FDFT1: variants seen among roughly 807,000 people sequenced by gnomAD.
FDFT1 encodes the protein squalene synthase.
In FDFT1, 68 loss-of-function variants were observed where a neutral mutation model predicts 46.8. The observed-to-expected ratio is 1.45, with a 90% CI of 1.19 to 1.78. The LOEUF (loss-of-function observed/expected upper bound fraction) is 1.78. FDFT1 is among the 40% of genes most tolerant of loss of function. The probability of loss-of-function intolerance (pLI) is 0.00; values close to 1 mark genes in which losing one functional copy is unlikely to be tolerated. For synonymous variants in FDFT1, 351 were observed against 185.1 expected, an observed-to-expected ratio of 1.90 and a Z score of -7.28; for missense variants, 928 against 524.4, an observed-to-expected ratio of 1.77 and a Z score of -7.52.
chr8:11,806,074 C>T (rs1806788018), intron 1 of FDFT1, among the ~76,000 whole-genome samples: 1 of 152,176 alleles, frequency 6.6e-6, no homozygotes, highest in African/African-American at 2.4e-5. Context: ...GAGGAAGGCT[C>T]CGTGGAGGGC....
rs1275960731 is a variant in FDFT1, at chr8:11,839,267, A to G, written c.*658A>G. ...TCCAGTAAAGGTGGACATTTTTGAG[A>G]TTTTTATAATAAAGAATTTAATTGC... On this transcript the variant is annotated 3_prime_UTR_variant, in exon 8 of 8. Coordinates refer to ENST00000220584, the MANE Select transcript of FDFT1 (RefSeq NM_004462.5). 6.6e-6 allele frequency: 1 copy of G among 152,430 alleles called. No homozygotes were observed. The highest frequency in any genetic ancestry group is 1.5e-5 in the Non-Finnish European group (1 of 68,254). The allele number at this position is 152,430 out of a possible 1,614,324, so 9.4% of individuals were successfully genotyped here.
rs766845955 is a variant in FDFT1 at position 11,838,522 on chromosome 8, T to G, written c.1167T>G (p.Phe389Leu). ...RSHYSPIYLS[F>L]VMLLAALSWQ... ...ACTACTCCCCCATCTACCTGTCGTTTGTCATGCTTTTGGCTGCCCTGAGCT... is the reference window on the plus strand; with the variant it reads ...ACTACTCCCCCATCTACCTGTCGTTGGTCATGCTTTTGGCTGCCCTGAGCT... The change falls in exon 8 of 8, where the codon TTT becomes TTG. Residue 389 changes from phenylalanine (F) to leucine (L), a missense_variant. Transcript: ENST00000220584. 53 of 1,609,418 alleles carry G rather than the reference T, an allele frequency of 3.3e-5. No homozygotes were observed. The highest frequency in any genetic ancestry group is 4.5e-5 in the Non-Finnish European group (53 of 1,177,460).
At position 11,803,221 on chromosome 8, in the gene FDFT1, T is replaced by TACCGGTATTTTAACCCGAG. The variant is rs1374164427; in HGVS notation, c.99+291_99+309dup. 8.7e-5 allele frequency: 121 copies of TACCGGTATTTTAACCCGAG among 1,398,236 alleles called. No homozygotes were observed. In the African/African-American group the frequency reaches 1.5e-3, roughly 18 times the overall value. The allele number at this position is 1,398,236 out of a possible 1,614,324, so 86.6% of individuals were successfully genotyped here. A position where few individuals can be genotyped will look rare whatever the true frequency, so the allele number is the denominator to read the frequency against. ...CGTCCCCTCCGTGAGCATCGGCGCT[T>TACCGGTATTTTAACCCGAG]ACCGGTATTTTAACCCGAGGGTTAC... On this transcript the variant is annotated intron_variant, in intron 1 of 7. Coordinates refer to ENST00000220584, the MANE Select transcript of FDFT1 (RefSeq NM_004462.5).
chr8:11,809,618 AT>A lies in FDFT1; in HGVS notation c.198-48del, dbSNP rs756082344. 2.0e-6 allele frequency: 3 copies of A among 1,515,572 alleles called. No individual in the cohort carries two copies. In the African/African-American group the frequency reaches 4.2e-5, roughly 21 times the overall value. The allele number at this position is 1,515,572 out of a possible 1,614,324, so 93.9% of individuals were successfully genotyped here. ...GGCACAAGTTATTTTAAAATAAAAAATCTTTGGCTGTTTGTTCCAATATATT... is the reference window on the plus strand; with the variant it reads ...GGCACAAGTTATTTTAAAATAAAAAACTTTGGCTGTTTGTTCCAATATATT... On this transcript the variant is annotated intron_variant, in intron 2 of 7. Coordinates refer to ENST00000220584, the MANE Select transcript of FDFT1 (RefSeq NM_004462.5).
chr8:11,801,958 C>T (rs566430569), upstream of FDFT1: 10 of 454,808 alleles, frequency 2.2e-5, no homozygotes, highest in Admixed American at 9.4e-5. Flanking sequence ...CAAAGTGTTG[C>T]GATTACAGGC....
intron 4 of FDFT1, among the ~76,000 whole-genome samples, chr8:11,822,411 C>T (rs1809382115): frequency 6.6e-6 from 1 of 151,892 alleles, no homozygotes; most frequent in African/African-American, 2.4e-5. Context: ...AGGTCTTGGG[C>T]CTCTTAATTT....
intron 1 of FDFT1, chr8:11,808,320 G>A (rs924640378): frequency 8.1e-6 from 10 of 1,233,530 alleles, no homozygotes; most frequent in Non-Finnish European, 1.0e-5. Context: ...GGGTTCTGGT[G>A]AGAAGGGCAA....
intron 3 of FDFT1, among the ~76,000 whole-genome samples, chr8:11,820,041 C>G (rs1809004180): frequency 6.6e-6 from 1 of 152,054 alleles, no homozygotes; most frequent in African/African-American, 2.4e-5. Context: ...TGTGGGTGTC[C>G]TTTTTGTTGA....
In FDFT1 at chr8:11,809,796, G is replaced by A; in HGVS notation, c.327G>A (p.Trp109Ter). 1 of 1,614,180 alleles carries A rather than the reference G, an allele frequency of 6.2e-7. No individual in the cohort carries two copies. The highest frequency in any genetic ancestry group is 8.5e-7 in the Non-Finnish European group (1 of 1,180,024). The change falls in exon 3 of 8, where the codon TGG becomes TGA. Residue 109 changes from tryptophan (W) to a stop codon, truncating the protein, a stop_gained. Coordinates refer to ENST00000220584, the MANE Select transcript of FDFT1 (RefSeq NM_004462.5). LOFTEE classifies it high-confidence loss of function. The stretch of plus-strand genomic sequence containing the variant: ...ACTCTTTCCTTTACCAACCAGACTG[G>A]CGGTTCATGGAGAGCAAGGAGAAGG... ...NFHSFLYQPD[W>*]RFMESKEKDR... is the part of the protein sequence containing the mutation.
chr8:11,808,585 C>A, intron 1 of FDFT1: 3 of 1,386,714 alleles, frequency 2.2e-6, no homozygotes, highest in Non-Finnish European at 2.8e-6. Context: ...CTGAGTCCCG[C>A]CGCGGCGCCC....
chr8:11,802,524 C>T (rs758051782), upstream of FDFT1: 6 of 534,836 alleles, frequency 1.1e-5, no homozygotes, highest in South Asian at 3.1e-5. Context: ...TCTTTCTCGG[C>T]CTCCAATGAG....
chr8:11,828,622 C>T (rs1196080054), intron 5 of FDFT1, among the ~76,000 whole-genome samples: 15 of 152,262 alleles, frequency 9.9e-5, no homozygotes, highest in Non-Finnish European at 4.4e-5. Flanking sequence ...GAGCAGAGCC[C>T]TGCTCTTCTC....
upstream of FDFT1, chr8:11,802,608 G>A: frequency 3.4e-6 from 2 of 596,776 alleles, no homozygotes; most frequent in South Asian, 3.6e-5. Context: ...AGCGGCCCTG[G>A]CCAATCAGCG....
At chr8:11,826,319 C>T in intron 5 of FDFT1, 104 bp downstream of exon 5, 2 of 803,588 alleles carry the variant, frequency 2.5e-6, no homozygotes, top group Non-Finnish European at 3.9e-6. Flanking sequence ...TCAGGCCTCC[C>T]CCAGGCAGCA....
At chr8:11,801,959 G>C (rs1449983691), upstream of FDFT1, 1 of 455,650 alleles carries the variant, frequency 2.2e-6, no homozygotes, top group Admixed American at 2.3e-5. Context: ...AAAGTGTTGC[G>C]ATTACAGGCG....
chr8:11,807,238 A>G (rs1181845707), intron 1 of FDFT1, among the ~76,000 whole-genome samples: 1 of 152,206 alleles, frequency 6.6e-6, no homozygotes, highest in East Asian at 1.9e-4. Context: ...CCTGGGCTCA[A>G]GCGATCCTCC....
At chr8:11,802,198 C>A, upstream of FDFT1, 1 of 428,878 alleles carries the variant, frequency 2.3e-6, no homozygotes, top group South Asian at 1.7e-5. Context: ...GGGCTGTGCT[C>A]GGGTGTGTTA....
At chr8:11,811,928 A>G (rs1272169079) in intron 3 of FDFT1, among the ~76,000 whole-genome samples, 1 of 152,214 alleles carries the variant, frequency 6.6e-6, no homozygotes, top group Non-Finnish European at 1.5e-5. Flanking sequence ...TTGTCTTCTT[A>G]AGGAGTGATT....
chr8:11,823,957 G>A (rs955930766), intron 4 of FDFT1, among the ~76,000 whole-genome samples: 1 of 151,994 alleles, frequency 6.6e-6, no homozygotes, highest in Admixed American at 6.6e-5. Context: ...TGTTGCCTAG[G>A]CTGGTCTTGA....
Sources: gnomAD v4.1 joint callset for allele counts (sites outside exome capture counted in the v4.1 genomes callset) on GRCh38, gnomAD v4.1.1 for gene constraint, MANE v1.5 for transcripts, NCBI Gene and HGNC (gene_info 2026-07-23, HGNC 2026-07-21) for gene names.